The following RALYL variants were observed in gnomAD, a reference collection of about 807,000 sequenced individuals.
The protein encoded by RALYL is RNA-binding Raly-like protein.
In RALYL, 29 loss-of-function variants were observed where a neutral mutation model predicts 35.1. The ratio of observed to expected loss-of-function variants is 0.83; its 90% confidence interval spans 0.61 to 1.13. The LOEUF (loss-of-function observed/expected upper bound fraction) is 1.13. RALYL is among the 50% of genes most tolerant of loss of function. RALYL has a pLI of 0.00. For synonymous variants in RALYL, 120 were observed against 127.6 expected (o/e 0.94, Z 0.40); for missense variants, 359 against 360.4 (o/e 1.00, Z 0.03).
At chr8:84,859,716 G>A (rs979156110) in intron 5 of RALYL, among the ~76,000 whole-genome samples, 14 of 152,056 alleles carry the variant, frequency 9.2e-5, no homozygotes, top group African/African-American at 3.4e-4. Context: ...ATCCAGGCAC[G>A]GTGGCATGCA....
chr8:84,637,628 G>A (rs943170112), intron 2 of RALYL, among the ~76,000 whole-genome samples: 3 of 151,874 alleles, frequency 2.0e-5, no homozygotes, highest in African/African-American at 7.2e-5. Flanking sequence ...GGAATTTGGA[G>A]TGGAAGGCAT....
rs577174953 is a variant in RALYL at position 84,660,502 on chromosome 8, G to A, written c.257-114077G>A. On this transcript the variant is annotated intron_variant, in intron 2 of 8. Coordinates refer to ENST00000521268, the MANE Select transcript of RALYL (RefSeq NM_173848.7). ...AATTTATATTTTCCTATTTCAGTGT[G>A]TAGCATTTAAGACAATAAACTTTCT... is the stretch of plus-strand genomic sequence containing the variant. Among the ~76,000 whole-genome samples, 7 of 151,942 alleles carry A rather than the reference G, an allele frequency of 4.6e-5. No individual in the cohort carries two copies. The East Asian group carries it at 1.4e-3, about 29-fold the overall frequency.
chr8:84,755,919 A>G (rs2133288869), intron 2 of RALYL, among the ~76,000 whole-genome samples: 1 of 152,166 alleles, frequency 6.6e-6, no homozygotes, highest in East Asian at 1.9e-4. Flanking sequence ...ACATTTGACA[A>G]TGCCATTAAG....
At chr8:84,546,823 T>G (rs1247666416) in intron 2 of RALYL, among the ~76,000 whole-genome samples, 1 of 152,236 alleles carries the variant, frequency 6.6e-6, no homozygotes, top group Non-Finnish European at 1.5e-5. Context: ...CTTGAATGAC[T>G]TTATTTCTTC....
chr8:84,368,257 T>C (rs567485902), intron 1 of RALYL, among the ~76,000 whole-genome samples: 45 of 152,318 alleles, frequency 3.0e-4, no homozygotes, highest in Middle Eastern at 6.8e-3. Flanking sequence ...GAAGTCTAGA[T>C]ACAGAAAGAT....
intron 1 of RALYL, among the ~76,000 whole-genome samples, chr8:84,305,572 A>G (rs1365297659): frequency 1.3e-5 from 2 of 152,224 alleles, no homozygotes; most frequent in African/African-American, 4.8e-5. Flanking sequence ...TCTTTCTTCA[A>G]TTGCTGTTTT....
intron 1 of RALYL, among the ~76,000 whole-genome samples, chr8:84,501,410 C>T (rs1239321996): frequency 2.6e-5 from 4 of 151,998 alleles, no homozygotes; most frequent in East Asian, 3.9e-4. Flanking sequence ...CATATGCACA[C>T]AATTAATTTT....
At chr8:84,914,894 T>G (rs565277955) in intron 8 of RALYL, among the ~76,000 whole-genome samples, 1 of 152,124 alleles carries the variant, frequency 6.6e-6, no homozygotes, top group South Asian at 2.1e-4. Flanking sequence ...CACATAAAGA[T>G]TATCTGTGCT....
At chr8:84,672,499 C>T (rs1833462593) in intron 2 of RALYL, among the ~76,000 whole-genome samples, 1 of 152,120 alleles carries the variant, frequency 6.6e-6, no homozygotes, top group South Asian at 2.1e-4. Context: ...AGCAGCACCC[C>T]ATTACTTCGT....
chr8:84,573,388 AT>A (rs1258605436), intron 2 of RALYL, among the ~76,000 whole-genome samples: 1 of 151,644 alleles, frequency 6.6e-6, no homozygotes, highest in African/African-American at 2.4e-5. Context: ...AATTTAATTG[AT>A]TTCTGACTTA....
At chr8:84,777,540 A>G (rs760156071) in intron 3 of RALYL, among the ~76,000 whole-genome samples, 21 of 152,354 alleles carry the variant, frequency 1.4e-4, no homozygotes, top group Non-Finnish European at 2.6e-4. Flanking sequence ...TAAATGAGGT[A>G]AAAGCATTTA....
intron 1 of RALYL, among the ~76,000 whole-genome samples, chr8:84,200,412 G>A (rs1280718226): frequency 2.0e-5 from 3 of 152,066 alleles, no homozygotes; most frequent in Admixed American, 6.5e-5. Context: ...GTAATTTTAA[G>A]ATAGAAGTTA....
chr8:84,184,920 G>A, intron 1 of RALYL: 1 of 1,566,764 alleles, frequency 6.4e-7, no homozygotes, highest in Non-Finnish European at 8.8e-7. Context: ...GGCCACGCGA[G>A]CCGGAGCTGG....
intron 2 of RALYL, among the ~76,000 whole-genome samples, chr8:84,572,759 G>T (rs1808323914): frequency 6.6e-6 from 1 of 151,744 alleles, no homozygotes; most frequent in Non-Finnish European, 1.5e-5. Context: ...ACAAGAAAAT[G>T]ATTCAGTCTT....
chr8:84,733,110 C>T (rs1846552491), intron 2 of RALYL, among the ~76,000 whole-genome samples: 1 of 152,056 alleles, frequency 6.6e-6, no homozygotes, highest in African/African-American at 2.4e-5. Flanking sequence ...GAAAATGTGG[C>T]CCAGCATACT....
chr8:84,314,643 C>A (rs1168062454), intron 1 of RALYL, among the ~76,000 whole-genome samples: 1 of 152,088 alleles, frequency 6.6e-6, no homozygotes, highest in East Asian at 1.9e-4. Flanking sequence ...GGAGGATCAC[C>A]TGAGCCCTAG....
chr8:84,356,053 G>A (rs569150191), intron 1 of RALYL, among the ~76,000 whole-genome samples: 1 of 150,014 alleles, frequency 6.7e-6, no homozygotes, highest in Non-Finnish European at 1.5e-5. Flanking sequence ...CCTTCACTCT[G>A]TCTCTCTCCT....
intron 1 of RALYL, among the ~76,000 whole-genome samples, chr8:84,336,045 T>G (rs2130796866): frequency 6.6e-6 from 1 of 152,286 alleles, no homozygotes; most frequent in Middle Eastern, 3.4e-3. Context: ...TACGTGGATA[T>G]TCAGTGAGAA....
intron 2 of RALYL, among the ~76,000 whole-genome samples, chr8:84,664,244 G>C (rs112006507): frequency 6.9e-6 from 1 of 144,138 alleles, no homozygotes; most frequent in Non-Finnish European, 1.5e-5. Flanking sequence ...GTCAGGTAGC[G>C]TGAGTGTGAT....
Sources: gnomAD v4.1 joint callset for allele counts (sites outside exome capture counted in the v4.1 genomes callset) on GRCh38, gnomAD v4.1.1 for gene constraint, MANE v1.5 for transcripts, NCBI Gene and HGNC (gene_info 2026-07-23, HGNC 2026-07-21) for gene names.